SMG1: variants seen among roughly 807,000 people sequenced by gnomAD.
The protein encoded by SMG1 is SMG1 nonsense mediated mRNA decay associated PI3K related kinase.
Under a neutral mutation model 419.9 loss-of-function variants are expected in SMG1, and 22 were observed. That is an observed-to-expected ratio of 0.05 (90% confidence interval 0.04 to 0.07). The LOEUF (loss-of-function observed/expected upper bound fraction) is 0.07. Ranked by LOEUF, SMG1 falls within the 10% of genes least tolerant of loss-of-function variation. SMG1 has a pLI of 1.00. For synonymous variants in SMG1, 1,538 were observed against 1,553.5 expected (o/e 0.99, Z 0.23); for missense variants, 3,185 against 4,342.0 (o/e 0.73, Z 7.49).
chr16:18,872,279 A>C lies in SMG1; in HGVS notation c.2088T>G (p.Ile696Met). The C allele has an allele frequency of 6.3e-7, 1 of 1,596,694 alleles. No homozygotes were observed. ...TCTTTGTAGCCGTAGTTACAGTGCT[A>C]ATCACAGCTCCATCAAACAAAGAAG... is the stretch of plus-strand genomic sequence containing the variant. The part of the protein sequence containing the change: ...SSPSLFDGAV[I>M]STVTTATKKH... The change falls in exon 15 of 63, where the codon ATT becomes ATG. Residue 696 changes from isoleucine to methionine, a missense_variant. By Grantham distance (10) the Ile-to-Met change is conservative. Coordinates refer to ENST00000446231, the MANE Select transcript of SMG1 (RefSeq NM_015092.5).
chr16:18,809,658 G>C lies in SMG1; in HGVS notation c.10909-12C>G, dbSNP rs745813844. 2 of 1,580,342 alleles carry C rather than the reference G, an allele frequency of 1.3e-6. No individual in the cohort carries two copies. The highest frequency in any genetic ancestry group is 3.5e-5 in the Admixed American group (2 of 56,372). ...ATGACATAGTCAACCTGTAAAAATAGGCAGGATAGTATGTAAAGTCATTTA... is the reference window on the plus strand; with the variant it reads ...ATGACATAGTCAACCTGTAAAAATACGCAGGATAGTATGTAAAGTCATTTA... On this transcript the variant is annotated splice_polypyrimidine_tract_variant and intron_variant, in intron 62 of 62. Transcript: ENST00000446231.
intron 39 of SMG1, among the ~76,000 whole-genome samples, chr16:18,844,267 A>AAT (rs1194968602): frequency 1.3e-5 from 2 of 151,944 alleles, no homozygotes; most frequent in Non-Finnish European, 2.9e-5. Context: ...CGTCTCTACT[A>AAT]AAAGTACAAA....
At chr16:18,902,629 G>T (rs561368597) in intron 1 of SMG1, among the ~76,000 whole-genome samples, 10 of 152,032 alleles carry the variant, frequency 6.6e-5, no homozygotes, top group Middle Eastern at 3.4e-3. Context: ...GAACCTGGGA[G>T]GGAGGAGGTC....
intron 1 of SMG1, among the ~76,000 whole-genome samples, chr16:18,906,962 A>C (rs1027756236): frequency 3.3e-5 from 5 of 152,242 alleles, no homozygotes; most frequent in African/African-American, 1.2e-4. Context: ...CCTGCTGAGG[A>C]ATGAGGTCGG....
At chr16:18,837,905 T>C in intron 45 of SMG1, 109 bp downstream of exon 45, 8 of 1,146,706 alleles carry the variant, frequency 7.0e-6, no homozygotes, top group Non-Finnish European at 1.0e-5. Flanking sequence ...ATATTATACA[T>C]TAGTTTTGCC....
At position 18,853,641 on chromosome 16, in the gene SMG1, T is replaced by C. The variant is rs370212390; in HGVS notation, c.4710A>G (p.Glu1570=). The C allele has an allele frequency of 4.5e-5, 73 of 1,611,010 alleles. No individual in the cohort carries two copies. Among genetic ancestry groups the C allele is most frequent in the Non-Finnish European group, 6.0e-5 (71 of 1,178,356 alleles). ...CTTCCATCGTATTAACAGATGGCAG[T>C]TCTATTAGAGTGAGTATGTTTTTAG... ...TLSKNILTLI[E]LPSVNTMEEE... is the part of the protein sequence containing the mutation. The change falls in exon 31 of 63, where the codon GAA becomes GAG. Residue 1570 remains glutamate (E), a synonymous_variant. Coordinates refer to ENST00000446231, the MANE Select transcript of SMG1 (RefSeq NM_015092.5).
chr16:18,903,151 CT>C (rs2037414009), intron 1 of SMG1, among the ~76,000 whole-genome samples: 1 of 152,122 alleles, frequency 6.6e-6, no homozygotes, highest in South Asian at 2.1e-4. Context: ...AGTAACATTT[CT>C]AGCAAACATG....
chr16:18,911,654 T>C (rs1179601729), intron 1 of SMG1: 1 of 151,718 alleles, frequency 6.6e-6, no homozygotes, highest in African/African-American at 2.4e-5. Context: ...AAGGCAAAAA[T>C]TACCCCCTCA....
At chr16:18,812,837 A>C (rs2031597159) in intron 60 of SMG1, among the ~76,000 whole-genome samples, 1 of 151,894 alleles carries the variant, frequency 6.6e-6, no homozygotes, top group African/African-American at 2.4e-5. Flanking sequence ...CACCCACAAC[A>C]AGCCCCGGTG....
chr16:18,849,889 G>A, intron 35 of SMG1, 60 bp downstream of exon 35: 1 of 1,497,770 alleles, frequency 6.7e-7, no homozygotes, highest in East Asian at 2.3e-5. Flanking sequence ...ACCACTTTTT[G>A]AAATCTTATA....
chr16:18,836,403 C>A lies in SMG1; in HGVS notation c.7734G>T (p.Gln2578His), dbSNP rs769221676. Reference sequence around the variant, plus strand: ...TTATCTCTTGAAGCAAGCTTGCAAGCTGTGTTGCTTCTAAATTATTGAATG... The same window carrying A: ...TTATCTCTTGAAGCAAGCTTGCAAGATGTGTTGCTTCTAAATTATTGAATG... ...QAAFNNLEAT[Q>H]LASLLQEIST... The change falls in exon 47 of 63, where the codon CAG (glutamine) becomes CAT (histidine). Residue 2578 changes from glutamine (Q) to histidine (H), a missense_variant. Physicochemically the swap from Gln to His is conservative, Grantham distance 24. Around this residue, in one of 27 missense-constraint regions of SMG1, gnomAD observed 412 missense variants for 546.6 expected, o/e 0.75. Coordinates refer to ENST00000446231, the MANE Select transcript of SMG1 (RefSeq NM_015092.5). 6.2e-7 allele frequency: 1 copy of A among 1,613,892 alleles called. No homozygotes were observed.
rs753628809 is a variant in SMG1, at chr16:18,850,116, T to A, written c.5294A>T (p.Asp1765Val). The A allele has an allele frequency of 1.2e-6, 2 of 1,613,192 alleles. No homozygotes were observed. The highest frequency in any genetic ancestry group is 4.5e-5 in the East Asian group (2 of 44,874). ...TAAATGCAGCCTAGGGTCATCCTCA[T>A]CTAAAGGAATCTAAGAGTGAAAGAT... ...LKLNAGQIPL[D>V]EDDPRLHLSH... Residue 1765 changes from aspartate to valine, a missense_variant, in exon 35 of 63, where the codon GAT (aspartate) becomes GTT (valine). This residue lies in a region of SMG1 where 493 missense variants were observed against 552.9 expected (regional missense o/e 0.89). Coordinates refer to ENST00000446231, the MANE Select transcript of SMG1 (RefSeq NM_015092.5).
chr16:18,873,362 G>A (rs2035928906), intron 13 of SMG1, among the ~76,000 whole-genome samples: 1 of 152,114 alleles, frequency 6.6e-6, no homozygotes, highest in African/African-American at 2.4e-5. Flanking sequence ...TGGGATTACA[G>A]GCGCCCATCA....
rs1323555685 is a variant in SMG1 at position 18,926,206 on chromosome 16, G to C, written c.-165C>G. Reference sequence around the variant, plus strand: ...AGAAGGAGGAGGCGGCGGAGGGCGGGGGAAGAGGACGGCCGTTCCGGGTTC... The same window carrying C: ...AGAAGGAGGAGGCGGCGGAGGGCGGCGGAAGAGGACGGCCGTTCCGGGTTC... On this transcript the variant is annotated 5_prime_UTR_variant, in exon 1 of 63. Transcript: ENST00000446231. 2.3e-5 allele frequency: 14 copies of C among 617,918 alleles called. No homozygotes were observed. The highest frequency in any genetic ancestry group is 3.8e-5 in the Non-Finnish European group (14 of 372,302). The allele number at this position is 617,918 out of a possible 1,614,324, so 38.3% of individuals were successfully genotyped here.
chr16:18,849,283 G>C lies in SMG1; in HGVS notation c.5557C>G (p.Pro1853Ala), dbSNP rs772066609. Reference protein sequence around the residue: ...NLLCRVAQDSPHLILYPAIVG... With the variant: ...NLLCRVAQDSAHLILYPAIVG... ...ATTGCAGGATACAATATGAGATGTG[G>C]GGAATCTTGAGCCACACGGCAGAGA... The change falls in exon 36 of 63, where the codon CCA (proline) becomes GCA (alanine). Residue 1853 changes from proline (P) to alanine (A), a missense_variant. Physicochemically the swap from Pro to Ala is conservative, Grantham distance 27. Transcript: ENST00000446231. 59 of 1,613,572 alleles carry C rather than the reference G, an allele frequency of 3.7e-5. 1 individual carries two copies. Among genetic ancestry groups the C allele is most frequent in the Admixed American group, 1.2e-4 (7 of 59,974 alleles).
At chr16:18,881,155 A>G (rs1345463013) in intron 10 of SMG1, among the ~76,000 whole-genome samples, 3 of 151,636 alleles carry the variant, frequency 2.0e-5, no homozygotes, top group African/African-American at 7.2e-5. Flanking sequence ...TAAAAAAAAA[A>G]AACCACCATT....
At chr16:18,887,779 A>T (rs1453666813) in intron 6 of SMG1, among the ~76,000 whole-genome samples, 1 of 75,476 alleles carries the variant, frequency 1.3e-5, no homozygotes, top group East Asian at 2.4e-4. Context: ...AAAAAAAAAA[A>T]AAAAAAAAAA....
chr16:18,820,515 CA>C (rs1205913795), intron 55 of SMG1, among the ~76,000 whole-genome samples: 1 of 152,142 alleles, frequency 6.6e-6, no homozygotes, highest in Non-Finnish European at 1.5e-5. Flanking sequence ...AGTTTATGAA[CA>C]ATGGTAAAAA....
chr16:18,880,125 C>G (rs772418839), intron 10 of SMG1, among the ~76,000 whole-genome samples: 1 of 152,204 alleles, frequency 6.6e-6, no homozygotes, highest in Non-Finnish European at 1.5e-5. Context: ...GGGAATCAAT[C>G]TTTTAAAACT....
Sources: allele counts gnomAD v4.1 joint callset (sites outside exome capture counted in the v4.1 genomes callset), GRCh38; gene constraint gnomAD v4.1.1; regional missense constraint gnomAD v4.1.1; transcripts MANE v1.5; gene names NCBI Gene and HGNC (gene_info 2026-07-23, HGNC 2026-07-21).